Variants in HPSE2 observed in about 807,000 individuals in gnomAD.
The protein encoded by HPSE2 is heparanase 2 (inactive).
HPSE2 carries 38 observed loss-of-function variants against 60.5 expected under a neutral mutation model. That is an observed-to-expected ratio of 0.63 (90% CI 0.48 to 0.82). HPSE2 has a LOEUF of 0.82. Among genes scored for constraint, HPSE2 ranks in the 40% least tolerant of loss-of-function variants. The pLI, the probability that HPSE2 is intolerant of heterozygous loss-of-function variation, is 0.00. For synonymous variants in HPSE2, 295 were observed against 293.2 expected, an observed-to-expected ratio of 1.01 and a Z score of -0.06; for missense variants, 713 against 740.4, an observed-to-expected ratio of 0.96 and a Z score of 0.43.
At chr10:98,538,674 C>T (rs535351290) in intron 9 of HPSE2, among the ~76,000 whole-genome samples, 1 of 152,112 alleles carries the variant, frequency 6.6e-6, no homozygotes, top group African/African-American at 2.4e-5. Context: ...TTTTTTAAAG[C>T]TCCCCAGATG....
intron 3 of HPSE2, among the ~76,000 whole-genome samples, chr10:98,975,188 G>C (rs980903268): frequency 2.6e-5 from 4 of 152,196 alleles, no homozygotes; most frequent in African/African-American, 9.6e-5. Flanking sequence ...TGAAGAAACT[G>C]CAACAGTTCC....
At chr10:99,059,420 A>C (rs897367101) in intron 3 of HPSE2, among the ~76,000 whole-genome samples, 1 of 152,162 alleles carries the variant, frequency 6.6e-6, no homozygotes, top group African/African-American at 2.4e-5. Flanking sequence ...ACTTTCAAAA[A>C]TTCTCTACTT....
chr10:98,860,821 A>G (rs1006909810), intron 3 of HPSE2, among the ~76,000 whole-genome samples: 3 of 152,164 alleles, frequency 2.0e-5, no homozygotes, highest in East Asian at 1.9e-4. Context: ...AAATAATTGT[A>G]TTTATGGTTT....
chr10:98,619,838 C>T (rs1946023980), intron 8 of HPSE2, among the ~76,000 whole-genome samples: 1 of 152,174 alleles, frequency 6.6e-6, no homozygotes, highest in Admixed American at 6.5e-5. Context: ...ATACTTCATT[C>T]CTTTGCATGT....
chr10:99,139,833 T>C (rs1845801277), intron 3 of HPSE2, among the ~76,000 whole-genome samples: 1 of 152,314 alleles, frequency 6.6e-6, no homozygotes, highest in South Asian at 2.1e-4. Flanking sequence ...TACATTTGTG[T>C]ATCAATATCA....
intron 3 of HPSE2, among the ~76,000 whole-genome samples, chr10:99,003,923 A>G (rs1226173285): frequency 6.6e-6 from 1 of 152,018 alleles, no homozygotes; most frequent in East Asian, 1.9e-4. Context: ...AAAGTTTCAG[A>G]TTCTAAATTT....
intron 6 of HPSE2, among the ~76,000 whole-genome samples, chr10:98,681,042 G>T (rs1947773911): frequency 6.6e-6 from 1 of 151,396 alleles, no homozygotes; most frequent in Admixed American, 6.6e-5. Context: ...GGGGTTACAG[G>T]TGTGAGCCAC....
chr10:98,883,174 T>C (rs1173323672), intron 3 of HPSE2, among the ~76,000 whole-genome samples: 2 of 152,078 alleles, frequency 1.3e-5, no homozygotes, highest in Non-Finnish European at 2.9e-5. Context: ...GGTAGTGGGT[T>C]GAGAGATCAA....
chr10:99,011,271 T>C (rs1393426078), intron 3 of HPSE2, among the ~76,000 whole-genome samples: 1 of 152,200 alleles, frequency 6.6e-6, no homozygotes, highest in African/African-American at 2.4e-5. Context: ...TGATCTCCTA[T>C]GCCTGATCTA....
chr10:98,577,247 G>A (rs981966795), intron 9 of HPSE2, among the ~76,000 whole-genome samples: 31 of 151,522 alleles, frequency 2.0e-4, no homozygotes, highest in Admixed American at 1.1e-3. Flanking sequence ...ACTGTCTCAG[G>A]AAGCTCTTGC....
chr10:98,600,898 T>C, intron 9 of HPSE2, among the ~76,000 whole-genome samples: 1 of 42,176 alleles, frequency 2.4e-5, no homozygotes, highest in Middle Eastern at 0.015. Context: ...TATACGTATA[T>C]ATATGTGTGT....
chr10:98,535,001 C>A (rs894556397), intron 9 of HPSE2, among the ~76,000 whole-genome samples: 107 of 152,214 alleles, frequency 7.0e-4, no homozygotes, highest in Non-Finnish European at 3.1e-4. Context: ...GTAAGGAGAA[C>A]CTTCCCTTCC....
chr10:99,149,863 G>GT (rs555264387), intron 2 of HPSE2, among the ~76,000 whole-genome samples: 1,506 of 144,676 alleles, frequency 0.01, 15 homozygotes, highest in South Asian at 0.037. Context: ...CCCTATGCTT[G>GT]TTTTTTTTTT....
intron 3 of HPSE2, among the ~76,000 whole-genome samples, chr10:98,932,970 A>G (rs367870405): frequency 7.1e-6 from 1 of 141,662 alleles, no homozygotes; most frequent in African/African-American, 2.9e-5. Context: ...TCAGGTCTCT[A>G]TCTCCCGAGT....
intron 9 of HPSE2, among the ~76,000 whole-genome samples, chr10:98,601,644 A>G (rs1445655743): frequency 6.6e-6 from 1 of 152,216 alleles, no homozygotes; most frequent in African/African-American, 2.4e-5. Flanking sequence ...ACTACCATAT[A>G]ATTGCCCACC....
intron 9 of HPSE2, among the ~76,000 whole-genome samples, chr10:98,564,685 C>G (rs1209224622): frequency 3.9e-5 from 6 of 152,156 alleles, no homozygotes; most frequent in African/African-American, 1.2e-4. Context: ...CAGGGCAAGG[C>G]AGTTTAGTTA....
chr10:99,181,309 A>T (rs1847762808), intron 2 of HPSE2, among the ~76,000 whole-genome samples: 1 of 146,848 alleles, frequency 6.8e-6, no homozygotes, highest in Non-Finnish European at 1.5e-5. Flanking sequence ...GAGGCAGGAG[A>T]ATGGCGTGAA....
intron 6 of HPSE2, among the ~76,000 whole-genome samples, chr10:98,692,723 C>T (rs11189749): frequency 1.3e-5 from 2 of 152,022 alleles, no homozygotes; most frequent in Non-Finnish European, 2.9e-5. Flanking sequence ...GAGCCGAGAT[C>T]GCGCCACTGC....
chr10:98,860,480 T>C (rs183541623), intron 3 of HPSE2, among the ~76,000 whole-genome samples: 188 of 152,300 alleles, frequency 1.2e-3, no homozygotes, highest in Admixed American at 4.0e-3. Flanking sequence ...GTTAAGAAAA[T>C]TGAGCATTTT....
Sources: gnomAD v4.1 joint callset for allele counts (sites outside exome capture counted in the v4.1 genomes callset) on GRCh38, gnomAD v4.1.1 for gene constraint, MANE v1.5 for transcripts, NCBI Gene and HGNC (gene_info 2026-07-23, HGNC 2026-07-21) for gene names.